Variants in MGST2 observed in about 807,000 individuals in gnomAD.
MGST2 encodes microsomal glutathione S-transferase 2, also known as glutathione peroxidase MGST2.
A neutral mutation model predicts 16.6 loss-of-function variants in MGST2; 9 were observed. The ratio of observed to expected loss-of-function variants is 0.54; its 90% CI spans 0.33 to 0.95. The LOEUF (loss-of-function observed/expected upper bound fraction) is 0.95. MGST2 is among the 40% of genes least tolerant of loss of function. The pLI is 0.03. For synonymous variants in MGST2, 79 were observed against 68.0 expected (o/e 1.16, Z -0.79); for missense variants, 159 against 175.1 (o/e 0.91, Z 0.52).
chr4:139,733,888 A>G (rs1728823539), intron 5 of MGST2, among the ~76,000 whole-genome samples: 1 of 152,138 alleles, frequency 6.6e-6, no homozygotes, highest in Non-Finnish European at 1.5e-5. Flanking sequence ...GTTGTTGCCC[A>G]TCTGTGTTGC....
chr4:139,666,115 T>TGCGCGC, intron 1 of MGST2, 38 bp downstream of exon 1: 1 of 1,298,260 alleles, frequency 7.7e-7, no homozygotes. Flanking sequence ...TGCGCGTGTG[T>TGCGCGC]GCGTGTGTGT....
chr4:139,723,446 G>A (rs1448418624), intron 5 of MGST2, among the ~76,000 whole-genome samples: 1 of 152,164 alleles, frequency 6.6e-6, no homozygotes, highest in African/African-American at 2.4e-5. Flanking sequence ...GAGTAGCTGG[G>A]ATTACAGGCA....
intron 5 of MGST2, among the ~76,000 whole-genome samples, chr4:139,711,937 A>G (rs1727759388): frequency 6.6e-6 from 1 of 152,216 alleles, no homozygotes; most frequent in African/African-American, 2.4e-5. Context: ...TTCAGGGTAT[A>G]GAGGAGCTCA....
At chr4:139,751,551 C>T in the MGST2 span, among the ~76,000 whole-genome samples, 4 of 152,168 alleles carry the variant, frequency 2.6e-5, no homozygotes, top group African/African-American at 9.7e-5. Flanking sequence ...ATCATGTCAG[C>T]GCTCAAAAAA....
At chr4:139,736,730 G>T (rs1365210811) in intron 5 of MGST2, among the ~76,000 whole-genome samples, 1 of 152,166 alleles carries the variant, frequency 6.6e-6, no homozygotes, top group African/African-American at 2.4e-5. Flanking sequence ...CAAATTCCCA[G>T]GCTCCCCTCT....
chr4:139,749,886 C>CT, the MGST2 span, among the ~76,000 whole-genome samples: 1 of 63,056 alleles, frequency 1.6e-5, no homozygotes, highest in Admixed American at 1.8e-4. Flanking sequence ...TGAATAAGAA[C>CT]CCCCCCCCAC....
chr4:139,731,435 T>TAAAAA (rs70943437), intron 5 of MGST2: 3,463 of 38,592 alleles, frequency 0.09, 538 homozygotes, highest in East Asian at 0.14. Context: ...CTGTCTCTAC[T>TAAAAA]AAAAAAAAAA....
At chr4:139,744,787 G>A (rs1011059201), downstream of MGST2, among the ~76,000 whole-genome samples, 11 of 152,072 alleles carry the variant, frequency 7.2e-5, no homozygotes, top group Non-Finnish European at 1.5e-4. Flanking sequence ...GATGACACCA[G>A]CTGGTCAAGA....
the MGST2 span, among the ~76,000 whole-genome samples, chr4:139,748,029 GGGTGGACAGA>G: frequency 6.9e-6 from 1 of 144,468 alleles, no homozygotes; most frequent in Non-Finnish European, 1.5e-5. Context: ...ACTCCAGCCT[GGGTGGACAGA>G]GCAAGACTTC....
At chr4:139,750,889 T>G in the MGST2 span, among the ~76,000 whole-genome samples, 1 of 152,194 alleles carries the variant, frequency 6.6e-6, no homozygotes, top group African/African-American at 2.4e-5. Context: ...TTGTTTTGCT[T>G]TTACATTTCT....
intron 5 of MGST2, among the ~76,000 whole-genome samples, chr4:139,722,829 A>G (rs17050890): frequency 0.062 from 9,513 of 152,296 alleles, 479 homozygotes; most frequent in Admixed American, 0.14. Flanking sequence ...TCAGTTTGCT[A>G]TTTTCCCAGA....
At chr4:139,734,400 T>TG (rs1254196340) in intron 5 of MGST2, among the ~76,000 whole-genome samples, 1 of 152,202 alleles carries the variant, frequency 6.6e-6, no homozygotes, top group Non-Finnish European at 1.5e-5. Flanking sequence ...ATCCACTCCT[T>TG]GCCCAACGAC....
chr4:139,741,644 G>A (rs1729167801), downstream of MGST2, among the ~76,000 whole-genome samples: 3 of 152,168 alleles, frequency 2.0e-5, no homozygotes, highest in Non-Finnish European at 4.4e-5. Flanking sequence ...TTACTCAGGA[G>A]GCTGAGGTGG....
chr4:139,707,263 C>T (rs1727556707), downstream of MGST2, among the ~76,000 whole-genome samples: 2 of 151,880 alleles, frequency 1.3e-5, no homozygotes, highest in Non-Finnish European at 2.9e-5. Flanking sequence ...CATGTGTTCT[C>T]ATTGTTCAAT....
rs1005548394 is a variant in MGST2 at position 139,715,965 on chromosome 4, T to C, written c.*48+11769T>C. On this transcript the variant is annotated intron_variant, in intron 5 of 5. Transcript: ENST00000616265. The surrounding 1 kb of genome is among the most constrained non-coding windows in gnomAD (Gnocchi z 4.4). ...CTATTTAACATGGAGTTGCTCTGGT[T>C]CACACGCCTCTGACAAAACTCCTGG... Among the ~76,000 whole-genome samples, 12 of 152,290 alleles carry C rather than the reference T, an allele frequency of 7.9e-5. No individual in the cohort carries two copies. The highest frequency in any genetic ancestry group is 2.4e-4 in the African/African-American group (10 of 41,564).
chr4:139,702,761 G>C (rs997704294), intron 3 of MGST2, among the ~76,000 whole-genome samples: 1 of 149,378 alleles, frequency 6.7e-6, no homozygotes, highest in African/African-American at 2.5e-5. Flanking sequence ...TTTTCCCAAA[G>C]TGGCTGTACT....
At chr4:139,670,540 G>A (rs965504084) in intron 1 of MGST2, among the ~76,000 whole-genome samples, 1 of 152,190 alleles carries the variant, frequency 6.6e-6, no homozygotes, top group African/African-American at 2.4e-5. Flanking sequence ...AGTGGACTCA[G>A]AGATTCTCAG....
the MGST2 span, among the ~76,000 whole-genome samples, chr4:139,751,685 G>A: frequency 6.6e-6 from 1 of 152,178 alleles, no homozygotes; most frequent in African/African-American, 2.4e-5. Flanking sequence ...GTACACAGAT[G>A]GGTGGGTTTG....
intron 5 of MGST2, chr4:139,730,516 A>C (rs544240010): frequency 7.0e-6 from 11 of 1,561,200 alleles, no homozygotes; most frequent in Non-Finnish European, 9.5e-6. Context: ...CCGCTGATCA[A>C]TGAGCATCTG....
Sources: allele counts gnomAD v4.1 joint callset (sites outside exome capture counted in the v4.1 genomes callset), GRCh38; gene constraint gnomAD v4.1.1; non-coding constraint Gnocchi (gnomAD v3.1); transcripts MANE v1.5; gene names NCBI Gene and HGNC (gene_info 2026-07-23, HGNC 2026-07-21).